SLC13A5: variants seen among roughly 807,000 people sequenced by gnomAD.
The protein encoded by SLC13A5 is Na(+)/citrate cotransporter.
A neutral mutation model predicts 56.5 loss-of-function variants in SLC13A5; 25 were observed. That is an observed-to-expected ratio of 0.44 (90% CI 0.32 to 0.62). The LOEUF (loss-of-function observed/expected upper bound fraction) is 0.62. Among genes scored for constraint, SLC13A5 ranks in the 20% least tolerant of loss-of-function variants. The pLI, the probability that SLC13A5 is intolerant of heterozygous loss-of-function variation, is 0.04. For missense variants in SLC13A5, 649 were observed against 737.8 expected, an observed-to-expected ratio of 0.88 and a Z score of 1.39; for synonymous variants, 307 against 301.5, an observed-to-expected ratio of 1.02 and a Z score of -0.19.
At chr17:6,700,113 T>G (rs1973669835) in intron 6 of SLC13A5, among the ~76,000 whole-genome samples, 1 of 152,138 alleles carries the variant, frequency 6.6e-6, no homozygotes, top group African/African-American at 2.4e-5. Flanking sequence ...CACAGGCACT[T>G]AACTCAGAGC....
chr17:6,706,936 T>C (rs1973885566), intron 2 of SLC13A5, 92 bp downstream of exon 2: 3 of 1,569,448 alleles, frequency 1.9e-6, no homozygotes, highest in Non-Finnish European at 2.6e-6. Context: ...GGTTTTCCGG[T>C]CACCCCCAGG....
chr17:6,685,937 C>T lies in SLC13A5; in HGVS notation c.*270G>A, dbSNP rs1973233001. 4.3e-6 allele frequency: 2 copies of T among 460,344 alleles called. No individual in the cohort carries two copies. The highest frequency in any genetic ancestry group is 2.5e-5 in the South Asian group (1 of 39,900). 28.5% of individuals were successfully genotyped at this position (460,344 alleles called of 1,614,324 possible). A position where few individuals can be genotyped will look rare whatever the true frequency, so the allele number is the denominator to read the frequency against. ...CTGATCCCTCGGCTACCTGGCCTCC[C>T]TCACAGAGATAATGGCAAGGCTTGG... On this transcript the variant is annotated 3_prime_UTR_variant, in exon 12 of 12. Coordinates refer to ENST00000433363, the MANE Select transcript of SLC13A5 (RefSeq NM_177550.5). The surrounding 1 kb of genome is among the most constrained non-coding windows in gnomAD (Gnocchi z 4.2).
At chr17:6,705,209 G>C (rs1436476607) in intron 3 of SLC13A5, 1 of 152,272 alleles carries the variant, frequency 6.6e-6, no homozygotes, top group Non-Finnish European at 1.5e-5. Context: ...AGGAGGGGGA[G>C]AGTTTGCATG....
intron 7 of SLC13A5, 136 bp downstream of exon 7, chr17:6,695,590 C>A: frequency 2.6e-6 from 2 of 776,878 alleles, no homozygotes; most frequent in Non-Finnish European, 4.3e-6. Flanking sequence ...AGGGTTTCAC[C>A]ATGTTGGCCA....
intron 7 of SLC13A5, among the ~76,000 whole-genome samples, chr17:6,694,976 C>G (rs1329208726): frequency 1.3e-5 from 2 of 152,198 alleles, no homozygotes; most frequent in African/African-American, 2.4e-5. Context: ...ACCCCCTTTG[C>G]CAAGTCTCTG....
intron 1 of SLC13A5, among the ~76,000 whole-genome samples, chr17:6,710,208 CA>C (rs1219388866): frequency 3.3e-5 from 5 of 152,186 alleles, no homozygotes; most frequent in African/African-American, 1.2e-4. Context: ...ATGATGCCTC[CA>C]GGGGCAGACA....
rs375568397 is a variant in SLC13A5, at chr17:6,701,511, A to G, written c.717-385T>C. Among the ~76,000 whole-genome samples the G allele has an allele frequency of 5.3e-5, 8 of 152,298 alleles. No individual in the cohort carries two copies. The highest frequency in any genetic ancestry group is 1.9e-4 in the African/African-American group (8 of 41,574). On this transcript the variant is annotated intron_variant, in intron 5 of 11. Transcript: ENST00000433363. This position sits in a 1 kb window ranked among gnomAD's most constrained non-coding sequence, Gnocchi z 4.1. ...TGGGGCACAAGGTCAGGAGCTTAAGACTGGCCTGGCCAACATGGTGAAACC... is the reference window on the plus strand; with the variant it reads ...TGGGGCACAAGGTCAGGAGCTTAAGGCTGGCCTGGCCAACATGGTGAAACC...
At chr17:6,690,031 C>T (rs1007461595) in intron 10 of SLC13A5, 2 of 114,462 alleles carry the variant, frequency 1.7e-5, no homozygotes, top group South Asian at 6.0e-4. Flanking sequence ...GAAGCTGGTA[C>T]GTCTTTGCAA....
At position 6,704,057 on chromosome 17, in the gene SLC13A5, C is replaced by T; in HGVS notation, c.369-1G>A. On this transcript the variant is annotated splice_acceptor_variant, in intron 3 of 11. Coordinates refer to ENST00000433363, the MANE Select transcript of SLC13A5 (RefSeq NM_177550.5). LOFTEE classifies it high-confidence loss of function. Reference sequence around the variant, plus strand: ...GACGCCCATGAAGCCCAGCATCAGCCTGCAGAGGAGGGGCAGGGAGGAAAG... The same window carrying T: ...GACGCCCATGAAGCCCAGCATCAGCTTGCAGAGGAGGGGCAGGGAGGAAAG... 6.2e-7 allele frequency: 1 copy of T among 1,610,374 alleles called. No homozygotes were observed.
Position 6,693,163 on chromosome 17 carries a change from C to G in SLC13A5, c.1157-1G>C. On this transcript the variant is annotated splice_acceptor_variant, in intron 8 of 11. Coordinates refer to ENST00000433363, the MANE Select transcript of SLC13A5 (RefSeq NM_177550.5). LOFTEE classifies it high-confidence loss of function. ...GGGGGATAAAATGGAGTTTTCCTTTCTGGGAAGAAAAAGAAACACACACAC... is the reference window on the plus strand; with the variant it reads ...GGGGGATAAAATGGAGTTTTCCTTTGTGGGAAGAAAAAGAAACACACACAC... The G allele has an allele frequency of 1.4e-6, 2 of 1,462,614 alleles. No homozygotes were observed. The highest frequency in any genetic ancestry group is 1.9e-6 in the Non-Finnish European group (2 of 1,069,356). 90.6% of individuals were successfully genotyped at this position (1,462,614 alleles called of 1,614,324 possible).
chr17:6,690,807 G>A lies in SLC13A5; in HGVS notation c.1409C>T (p.Thr470Ile), dbSNP rs762355989. ...GGAGGCAAAGATGGGCAGGAACAAG[G>A]TGGTGGTGGCCACGTTGCTTGTGCA... Reference protein sequence around the residue: ...TECTSNVATTTLFLPIFASMS... With the variant: ...TECTSNVATTILFLPIFASMS... The change falls in exon 10 of 12, where the codon ACC (threonine) becomes ATC (isoleucine). Residue 470 changes from threonine (T) to isoleucine (I), a missense_variant. Coordinates refer to ENST00000433363, the MANE Select transcript of SLC13A5 (RefSeq NM_177550.5). The A allele has an allele frequency of 6.2e-7, 1 of 1,614,230 alleles. No individual in the cohort carries two copies. The highest frequency in any genetic ancestry group is 8.5e-7 in the Non-Finnish European group (1 of 1,180,036).
chr17:6,701,405 T>C lies in SLC13A5; in HGVS notation c.717-279A>G, dbSNP rs192875372. Among the ~76,000 whole-genome samples, 37 of 152,266 alleles carry C rather than the reference T, an allele frequency of 2.4e-4. No homozygotes were observed. The highest frequency in any genetic ancestry group is 7.8e-4 in the Admixed American group (12 of 15,290). ...AGAGTCTCATGGAAGTTATGGCCCA[T>C]CCCTCCAGAAAAATACAACTTTGTG... is the stretch of plus-strand genomic sequence containing the variant. On this transcript the variant is annotated intron_variant, in intron 5 of 11. Transcript: ENST00000433363. This position sits in a 1 kb window ranked among gnomAD's most constrained non-coding sequence, Gnocchi z 4.1.
intron 11 of SLC13A5, 53 bp from the exon 12 acceptor site, chr17:6,686,391 CAGAG>C (rs1597651744): frequency 6.2e-7 from 1 of 1,610,378 alleles, no homozygotes; most frequent in Non-Finnish European, 8.5e-7. Flanking sequence ...CTAGTGCTCT[CAGAG>C]AGGAGGACAA....
rs542566731 is a variant in SLC13A5 at position 6,700,906 on chromosome 17, A to T, written c.839+98T>A. 2.5e-5 allele frequency: 38 copies of T among 1,549,200 alleles called. No homozygotes were observed. In the Admixed American group the frequency reaches 5.4e-4, roughly 22 times the overall value. ...GGCTGGAGAAAGATCAGGGCCAGAC[A>T]CGAAGGACTTTGTAAACCTGCCTAT... On this transcript the variant is annotated intron_variant, in intron 6 of 11. Transcript: ENST00000433363.
At chr17:6,707,568 G>T (rs1048735626) in intron 1 of SLC13A5, among the ~76,000 whole-genome samples, 3 of 152,166 alleles carry the variant, frequency 2.0e-5, no homozygotes, top group Non-Finnish European at 4.4e-5. Context: ...AGGAAGAAAA[G>T]AAAGGAGGAA....
intron 1 of SLC13A5, 35 bp from the exon 2 acceptor site, chr17:6,707,191 C>T (rs201076291): frequency 2.6e-4 from 424 of 1,609,820 alleles, no homozygotes; most frequent in Non-Finnish European, 3.4e-4. Flanking sequence ...AGCGTGTTGC[C>T]GCCTCCCTCT....
intron 6 of SLC13A5, among the ~76,000 whole-genome samples, chr17:6,696,440 A>C (rs1973563384): frequency 6.6e-6 from 1 of 152,106 alleles, no homozygotes; most frequent in East Asian, 1.9e-4. Flanking sequence ...CTGGAGTTGG[A>C]GGTGCAGGAT....
chr17:6,686,542 G>A (rs1973257239), intron 11 of SLC13A5: 4 of 590,480 alleles, frequency 6.8e-6, no homozygotes, highest in South Asian at 2.0e-5. Context: ...AGTAGGCAGA[G>A]TGGATGGGTT....
chr17:6,689,100 C>T (rs1973325745), intron 10 of SLC13A5: 1 of 152,164 alleles, frequency 6.6e-6, no homozygotes, highest in African/African-American at 2.4e-5. Context: ...GTAGGCATCT[C>T]TGATTATTTT....
Sources: gnomAD v4.1 joint callset for allele counts (sites outside exome capture counted in the v4.1 genomes callset) on GRCh38, gnomAD v4.1.1 for gene constraint, Gnocchi (gnomAD v3.1) non-coding constraint, MANE v1.5 for transcripts, NCBI Gene and HGNC (gene_info 2026-07-23, HGNC 2026-07-21) for gene names.